Variants in ASIC2 observed in about 807,000 individuals in gnomAD.
ASIC2 encodes acid-sensing ion channel 2.
Under a neutral mutation model 57.3 loss-of-function variants are expected in ASIC2, and 25 were observed. That is an observed-to-expected ratio of 0.44 (90% CI 0.32 to 0.61). The LOEUF (loss-of-function observed/expected upper bound fraction) is 0.61. Ranked by LOEUF, ASIC2 falls within the 20% of genes least tolerant of loss-of-function variation. The probability of loss-of-function intolerance (pLI) is 0.06; values close to 1 mark genes in which losing one functional copy is unlikely to be tolerated. For synonymous variants in ASIC2, 319 were observed against 307.5 expected (o/e 1.04, Z -0.39); for missense variants, 641 against 738.1 (o/e 0.87, Z 1.52).
intron 1 of ASIC2, among the ~76,000 whole-genome samples, chr17:33,676,337 T>C (rs1291438328): frequency 2.6e-5 from 4 of 152,232 alleles, no homozygotes; most frequent in Non-Finnish European, 5.9e-5. Flanking sequence ...TGATTATGCT[T>C]AGTGAGAAAG....
intron 1 of ASIC2, among the ~76,000 whole-genome samples, chr17:33,759,245 G>A (rs908113780): frequency 3.3e-5 from 5 of 152,196 alleles, no homozygotes; most frequent in African/African-American, 9.6e-5. Flanking sequence ...TGGCTGAACT[G>A]TGTCCATGCC....
chr17:33,907,686 C>T (rs913569818), intron 1 of ASIC2, among the ~76,000 whole-genome samples: 1 of 152,124 alleles, frequency 6.6e-6, no homozygotes, highest in Non-Finnish European at 1.5e-5. Context: ...TTGAAGGCAA[C>T]GTGGAGATCT....
chr17:33,863,145 T>C (rs1371267595), intron 1 of ASIC2, among the ~76,000 whole-genome samples: 1 of 152,232 alleles, frequency 6.6e-6, no homozygotes, highest in Non-Finnish European at 1.5e-5. Context: ...GTCTTGAATA[T>C]CTGTGCTTAG....
Position 33,551,475 on chromosome 17 carries a change from C to T in ASIC2, c.556-439408G>A, listed in dbSNP as rs539524556. On this transcript the variant is annotated intron_variant, in intron 1 of 9. Coordinates refer to the ASIC2 transcript ENST00000359872. ...ACCAAAGACAAAAAACTGCTACCTT[C>T]GTCAAGTCAAACTTGAAGTCAATGG... is the stretch of plus-strand genomic sequence containing the variant. Among the ~76,000 whole-genome samples, 15 of 152,286 alleles carry T rather than the reference C, an allele frequency of 9.8e-5. 1 individual carries two copies. In the South Asian group the frequency reaches 1.9e-3, roughly 19 times the overall value.
In ASIC2 at chr17:33,892,640, T is replaced by C. The variant is rs148734144; in HGVS notation, c.555+263338A>G. On this transcript the variant is annotated intron_variant, in intron 1 of 9. Coordinates refer to the ASIC2 transcript ENST00000359872. ...CCTTCCTCACTGGACTGTAGGCACA[T>C]GGGGCATCCTTGAGAATAAGAATAG... Among the ~76,000 whole-genome samples, 3 of 152,340 alleles carry C rather than the reference T, an allele frequency of 2.0e-5. No individual in the cohort carries two copies. In the East Asian group the frequency reaches 5.8e-4, roughly 29 times the overall value.
chr17:33,135,120 C>T (rs551965647), intron 1 of ASIC2, among the ~76,000 whole-genome samples: 1 of 152,232 alleles, frequency 6.6e-6, no homozygotes, highest in East Asian at 1.9e-4. Flanking sequence ...GGTTTTCTGA[C>T]TTCCAGGATG....
chr17:33,876,819 T>A (rs894206480), intron 1 of ASIC2, among the ~76,000 whole-genome samples: 1 of 152,178 alleles, frequency 6.6e-6, no homozygotes, highest in African/African-American at 2.4e-5. Flanking sequence ...TGATTCTCCA[T>A]GCATCCAGCT....
At chr17:33,364,853 C>A (rs368413883) in intron 1 of ASIC2, among the ~76,000 whole-genome samples, 2 of 152,192 alleles carry the variant, frequency 1.3e-5, no homozygotes, top group Admixed American at 1.3e-4. Context: ...AATTCCCCTT[C>A]GTTACTGTGT....
intron 1 of ASIC2, among the ~76,000 whole-genome samples, chr17:33,375,365 A>G (rs952945406): frequency 4.0e-5 from 6 of 150,620 alleles, no homozygotes; most frequent in African/African-American, 1.5e-4. Flanking sequence ...CAAGAAGAGT[A>G]GAGAGGCAGT....
chr17:34,037,432 C>G, intron 1 of ASIC2: 1 of 566,618 alleles, frequency 1.8e-6, no homozygotes, highest in Non-Finnish European at 3.0e-6. Context: ...CTGGCCGGAG[C>G]TGCCCAAGGT....
chr17:33,241,944 A>C (rs1247235161), intron 1 of ASIC2, among the ~76,000 whole-genome samples: 4 of 152,218 alleles, frequency 2.6e-5, no homozygotes, highest in African/African-American at 9.6e-5. Flanking sequence ...GATTTGCTAT[A>C]TATAAATGGA....
rs370716097 is a variant in ASIC2, at chr17:33,300,203, A to T, written c.556-188136T>A. Among the ~76,000 whole-genome samples, 148 of 152,324 alleles carry T rather than the reference A, an allele frequency of 9.7e-4. 1 individual carries two copies. The highest frequency in any genetic ancestry group is 3.5e-3 in the African/African-American group (147 of 41,568). Reference sequence around the variant, plus strand: ...GTGGTCTTTTAGAGATACTTTATGAATATACATAAGTGTACATAGTCTTTA... The same window carrying T: ...GTGGTCTTTTAGAGATACTTTATGATTATACATAAGTGTACATAGTCTTTA... On this transcript the variant is annotated intron_variant, in intron 1 of 9. Coordinates refer to the ASIC2 transcript ENST00000359872.
intron 5 of ASIC2, among the ~76,000 whole-genome samples, chr17:33,025,354 C>T (rs533951010): frequency 2.7e-4 from 41 of 152,320 alleles, no homozygotes; most frequent in African/African-American, 8.9e-4. Context: ...GCAGACCCCC[C>T]GCAGGCCCCT....
chr17:33,021,168 C>A, intron 7 of ASIC2, 51 bp downstream of exon 7: 1 of 743,608 alleles, frequency 1.3e-6, no homozygotes, highest in South Asian at 1.5e-5. Context: ...ATCCTCCCTC[C>A]CTCCCACCCT....
intron 1 of ASIC2, chr17:34,005,408 A>G (rs1906491116): frequency 6.6e-6 from 1 of 152,100 alleles, no homozygotes; most frequent in Non-Finnish European, 1.5e-5. Flanking sequence ...AAAAGTTTTT[A>G]AAAGCTAAAC....
intron 1 of ASIC2, among the ~76,000 whole-genome samples, chr17:33,582,118 T>G (rs909658618): frequency 2.6e-5 from 4 of 151,948 alleles, no homozygotes; most frequent in African/African-American, 9.7e-5. Flanking sequence ...AATAAATGAG[T>G]GTAGTTTTAA....
chr17:33,168,287 T>C (rs1425352841), intron 1 of ASIC2, among the ~76,000 whole-genome samples: 1 of 152,220 alleles, frequency 6.6e-6, no homozygotes, highest in South Asian at 2.1e-4. Flanking sequence ...ACTGTTGCTA[T>C]AACAAATACA....
At chr17:34,076,001 TTTA>T (rs1909632817) in intron 1 of ASIC2, among the ~76,000 whole-genome samples, 1 of 151,220 alleles carries the variant, frequency 6.6e-6, no homozygotes, top group African/African-American at 2.4e-5. Context: ...GCTATTATTT[TTTA>T]TTTTTATTTT....
intron 1 of ASIC2, among the ~76,000 whole-genome samples, chr17:33,211,769 A>G (rs556443845): frequency 4.9e-4 from 74 of 152,284 alleles, no homozygotes; most frequent in Middle Eastern, 3.4e-3. Flanking sequence ...ATCTGTTTGC[A>G]CAATTGGCTC....
Sources: allele counts gnomAD v4.1 joint callset (sites outside exome capture counted in the v4.1 genomes callset), GRCh38; gene constraint gnomAD v4.1.1; transcripts MANE v1.5; gene names NCBI Gene and HGNC (gene_info 2026-07-23, HGNC 2026-07-21).